Variants in TUSC3 observed in about 807,000 individuals in gnomAD.
TUSC3 encodes dolichyl-diphosphooligosaccharide--protein glycosyltransferase subunit TUSC3.
A neutral mutation model predicts 44.8 loss-of-function variants in TUSC3; 45 were observed. The ratio of observed to expected loss-of-function variants is 1.00; its 90% CI spans 0.79 to 1.29. TUSC3 has a LOEUF of 1.29. TUSC3 is among the 50% of genes most tolerant of loss of function. TUSC3 has a pLI of 0.00. For synonymous variants in TUSC3, 212 were observed against 152.9 expected (o/e 1.39, Z -2.85); for missense variants, 519 against 437.9 (o/e 1.19, Z -1.65).
At chr8:15,821,157 G>GTATA in the TUSC3 span, among the ~76,000 whole-genome samples, 1 of 152,050 alleles carries the variant, frequency 6.6e-6, no homozygotes, top group Admixed American at 6.5e-5. Context: ...TGTTTATGAT[G>GTATA]TATATATAAT....
chr8:15,535,633 G>A (rs1332118862), upstream of TUSC3, among the ~76,000 whole-genome samples: 1 of 152,158 alleles, frequency 6.6e-6, no homozygotes, highest in Non-Finnish European at 1.5e-5. Context: ...TAAAGCAAGC[G>A]CTATTCTAGA....
intron 1 of TUSC3, among the ~76,000 whole-genome samples, chr8:15,477,762 G>A (rs1001650482): frequency 1.3e-5 from 2 of 151,988 alleles, no homozygotes; most frequent in African/African-American, 4.8e-5. Context: ...ATATATTTGT[G>A]TATACACATA....
chr8:15,702,093 AC>A (rs1809431195), intron 6 of TUSC3, among the ~76,000 whole-genome samples: 1 of 152,146 alleles, frequency 6.6e-6, no homozygotes, highest in African/African-American at 2.4e-5. Flanking sequence ...GAGACCAGTC[AC>A]GGCTGTGTGG....
At chr8:15,803,110 T>C in the TUSC3 span, among the ~76,000 whole-genome samples, 4 of 152,216 alleles carry the variant, frequency 2.6e-5, no homozygotes, top group African/African-American at 4.8e-5. Context: ...TGAGGTTAGT[T>C]ACCTTCATAA....
intron 1 of TUSC3, among the ~76,000 whole-genome samples, chr8:15,556,970 T>A (rs945398290): frequency 6.7e-6 from 1 of 149,762 alleles, no homozygotes; most frequent in African/African-American, 2.4e-5. Context: ...TACACTCTGA[T>A]GGTAATTTCT....
intron 2 of TUSC3, among the ~76,000 whole-genome samples, chr8:15,511,054 A>T (rs531992673): frequency 2.0e-5 from 3 of 152,214 alleles, no homozygotes; most frequent in Non-Finnish European, 4.4e-5. Flanking sequence ...CAAGCTAGGA[A>T]TAGAAGATAA....
intron 1 of TUSC3, among the ~76,000 whole-genome samples, chr8:15,561,200 G>C (rs1009263694): frequency 3.1e-5 from 4 of 130,916 alleles, no homozygotes; most frequent in South Asian, 2.7e-4. Context: ...TGTCCTTTCT[G>C]TTTGTTAGTT....
chr8:15,521,044 C>G (rs1367090175), intron 2 of TUSC3, among the ~76,000 whole-genome samples: 1 of 152,180 alleles, frequency 6.6e-6, no homozygotes, highest in Non-Finnish European at 1.5e-5. Context: ...AACATTGAGT[C>G]CAGCTTGACG....
chr8:15,462,141 G>A (rs1280728644), intron 1 of TUSC3, among the ~76,000 whole-genome samples: 1 of 152,024 alleles, frequency 6.6e-6, no homozygotes, highest in Non-Finnish European at 1.5e-5. Context: ...AGAGAACCTG[G>A]TCCAAGCTTC....
chr8:15,833,811 A>G, the TUSC3 span, among the ~76,000 whole-genome samples: 1 of 150,940 alleles, frequency 6.6e-6, no homozygotes, highest in East Asian at 2.0e-4. Flanking sequence ...CTATATAACA[A>G]ACATGCACAT....
chr8:15,727,798 G>T (rs1490099781), intron 6 of TUSC3, among the ~76,000 whole-genome samples: 1 of 152,146 alleles, frequency 6.6e-6, no homozygotes, highest in African/African-American at 2.4e-5. Flanking sequence ...GAAATGATTT[G>T]TTTGATTACA....
intron 1 of TUSC3, among the ~76,000 whole-genome samples, chr8:15,549,906 A>G (rs972929209): frequency 6.6e-6 from 1 of 151,710 alleles, no homozygotes; most frequent in South Asian, 2.1e-4. Flanking sequence ...GGCTTCATTC[A>G]GCTGGGAGCA....
At chr8:15,796,663 G>A in the TUSC3 span, among the ~76,000 whole-genome samples, 2 of 152,214 alleles carry the variant, frequency 1.3e-5, no homozygotes, top group East Asian at 1.9e-4. Context: ...CTCCACTGAG[G>A]TAGCAGCTTA....
chr8:15,594,114 C>T (rs989157783), intron 1 of TUSC3, among the ~76,000 whole-genome samples: 3 of 152,160 alleles, frequency 2.0e-5, no homozygotes, highest in African/African-American at 7.2e-5. Flanking sequence ...TTTAATAGGC[C>T]ACTTAAAGTT....
chr8:15,485,874 C>T (rs923926827), intron 2 of TUSC3, among the ~76,000 whole-genome samples: 6 of 152,116 alleles, frequency 3.9e-5, no homozygotes, highest in Admixed American at 1.3e-4. Context: ...CTCACTGCAA[C>T]CTCTGCCTCC....
chr8:15,791,290 AAC>A, the TUSC3 span, among the ~76,000 whole-genome samples: 4 of 150,820 alleles, frequency 2.7e-5, no homozygotes, highest in Admixed American at 6.6e-5. Context: ...CCCACGCACA[AAC>A]ACACACACAC....
the TUSC3 span, among the ~76,000 whole-genome samples, chr8:15,813,818 G>A: frequency 6.6e-6 from 1 of 151,824 alleles, no homozygotes; most frequent in Non-Finnish European, 1.5e-5. Flanking sequence ...CAGTCTTAGT[G>A]CTAACCATCG....
intron 1 of TUSC3, among the ~76,000 whole-genome samples, chr8:15,557,988 C>A (rs1268605430): frequency 5.9e-5 from 4 of 68,158 alleles, no homozygotes; most frequent in Non-Finnish European, 6.1e-5. Flanking sequence ...TAATTGAATA[C>A]CCTTTGTTTC....
At chr8:15,671,528 C>G (rs560729536) in intron 5 of TUSC3, among the ~76,000 whole-genome samples, 9 of 152,012 alleles carry the variant, frequency 5.9e-5, no homozygotes, top group Non-Finnish European at 7.4e-5. Context: ...AGTGCCAGCG[C>G]TATGTGAGTA....
Sources: allele counts gnomAD v4.1 joint callset (sites outside exome capture counted in the v4.1 genomes callset), GRCh38; gene constraint gnomAD v4.1.1; transcripts MANE v1.5; gene names NCBI Gene and HGNC (gene_info 2026-07-23, HGNC 2026-07-21).